FAM120C: variants seen among roughly 807,000 people sequenced by gnomAD.
FAM120C encodes constitutive coactivator of PPAR-gamma-like protein 2.
In FAM120C, 14 loss-of-function variants were observed where a neutral mutation model predicts 71.2. The observed-to-expected ratio is 0.20, with a 90% CI of 0.13 to 0.31. The LOEUF (loss-of-function observed/expected upper bound fraction) is 0.31, where lower values mean the gene tolerates loss of function less well. Among genes scored for constraint, FAM120C ranks in the 10% least tolerant of loss-of-function variants. The probability of loss-of-function intolerance (pLI) is 1.00; values close to 1 mark genes in which losing one functional copy is unlikely to be tolerated. For synonymous variants in FAM120C, 354 were observed against 353.2 expected (o/e 1.00, Z -0.03); for missense variants, 500 against 879.0 (o/e 0.57, Z 5.45).
intron 8 of FAM120C, 143 bp downstream of exon 8, chrX:54,133,630 T>C (rs2067079306): frequency 1.6e-6 from 1 of 613,323 alleles, no homozygotes; most frequent in African/African-American, 2.2e-5. Context: ...AAGGCCTTAG[T>C]AGGATGAGGG....
chrX:54,143,444 G>T (rs1442352997), intron 4 of FAM120C, among the ~76,000 whole-genome samples: 4 of 111,566 alleles, frequency 3.6e-5, no homozygotes, highest in African/African-American at 1.3e-4. Context: ...AGAAAAGAGA[G>T]AAGAATCAAA....
intron 10 of FAM120C, among the ~76,000 whole-genome samples, chrX:54,100,112 G>A (rs1426505120): frequency 8.9e-6 from 1 of 111,794 alleles, no homozygotes; most frequent in Non-Finnish European, 1.9e-5. Context: ...TTGGGAGGCT[G>A]AGGCGGGAGG....
chrX:54,141,555 C>T lies in FAM120C; in HGVS notation c.1159-4965G>A, dbSNP rs782169470. On this transcript the variant is annotated intron_variant, in intron 4 of 15. Coordinates refer to ENST00000375180, the MANE Select transcript of FAM120C (RefSeq NM_017848.6). Reference sequence around the variant, plus strand: ...AAGACTGAATGCTTTCTCTAAAGATCGGGAACAAGATAAGAATATATATTC... The same window carrying T: ...AAGACTGAATGCTTTCTCTAAAGATTGGGAACAAGATAAGAATATATATTC... Among the ~76,000 whole-genome samples the T allele has an allele frequency of 5.4e-4, 60 of 110,114 alleles. 1 individual carries two copies. The highest frequency in any genetic ancestry group is 9.3e-3 in the Middle Eastern group (2 of 215).
intron 10 of FAM120C, among the ~76,000 whole-genome samples, chrX:54,110,125 T>G (rs1459102140): frequency 1.0e-5 from 1 of 100,022 alleles, no homozygotes; most frequent in Non-Finnish European, 2.0e-5. Context: ...CACGCCATTC[T>G]CCTGCCTCAG....
intron 4 of FAM120C, chrX:54,147,228 A>C (rs1603361744): frequency 1.8e-5 from 2 of 110,964 alleles, no homozygotes; most frequent in East Asian, 5.6e-4. Context: ...GAGGCACAGT[A>C]ATCGCTTGAA....
chrX:54,170,690 G>A (rs1486357427), intron 1 of FAM120C, among the ~76,000 whole-genome samples: 4 of 111,795 alleles, frequency 3.6e-5, no homozygotes, highest in Admixed American at 1.9e-4. Context: ...CTGTAAAATG[G>A]AGATTTACTT....
intron 14 of FAM120C, 75 bp downstream of exon 14, chrX:54,081,247 C>A: frequency 2.0e-6 from 2 of 1,024,666 alleles, no homozygotes; most frequent in Non-Finnish European, 2.6e-6. Flanking sequence ...GGATTTAATA[C>A]CTAGGCATTT....
At chrX:54,100,318 C>T in intron 10 of FAM120C, among the ~76,000 whole-genome samples, 1 of 110,939 alleles carries the variant, frequency 9.0e-6, no homozygotes, top group Middle Eastern at 4.6e-3. Flanking sequence ...GGTGAAACCC[C>T]ATCTCTACTA....
At chrX:54,076,345 C>CAA (rs200954875) in intron 15 of FAM120C, among the ~76,000 whole-genome samples, 1 of 90,689 alleles carries the variant, frequency 1.1e-5, no homozygotes. Flanking sequence ...AAAAAAAATA[C>CAA]AAAAAAAAAA....
intron 12 of FAM120C, 40 bp downstream of exon 12, chrX:54,087,712 CAGG>C: frequency 8.7e-7 from 1 of 1,151,187 alleles, no homozygotes. Flanking sequence ...TTCACTCCCA[CAGG>C]AGATCAGAGC....
intron 1 of FAM120C, among the ~76,000 whole-genome samples, chrX:54,180,095 C>A (rs1557137165): frequency 1.8e-5 from 2 of 111,626 alleles, no homozygotes; most frequent in African/African-American, 6.5e-5. Context: ...TGAAGTATGA[C>A]AAAAATATAC....
chrX:54,107,299 G>T (rs782044043), intron 10 of FAM120C, among the ~76,000 whole-genome samples: 1 of 109,023 alleles, frequency 9.2e-6, no homozygotes, highest in South Asian at 4.0e-4. Context: ...GTTTCGCCAT[G>T]TTAGCCAGGC....
intron 9 of FAM120C, among the ~76,000 whole-genome samples, chrX:54,129,093 G>A (rs2067045660): frequency 2.9e-5 from 3 of 102,963 alleles, no homozygotes; most frequent in Non-Finnish European, 6.0e-5. Context: ...GGCCGGCCGG[G>A]CAGGGGGCTG....
chrX:54,177,301 G>C (rs1162506695), intron 1 of FAM120C, among the ~76,000 whole-genome samples: 1 of 111,340 alleles, frequency 9.0e-6, no homozygotes, highest in Non-Finnish European at 1.9e-5. Context: ...GGAGTCCGGA[G>C]AGTGTTATGG....
rs925468255 is a variant in FAM120C, at chrX:54,152,171, C to T, written c.1030-798G>A. On this transcript the variant is annotated intron_variant, in intron 3 of 15. Coordinates refer to ENST00000375180, the MANE Select transcript of FAM120C (RefSeq NM_017848.6). ...TAGCTGGGATTATAGGCACGCACCA[C>T]GACTGGATTTGCTCATAAAATATTC... Among the ~76,000 whole-genome samples, 5 of 109,674 alleles carry T rather than the reference C, an allele frequency of 4.6e-5. No individual in the cohort carries two copies. In the Admixed American group the frequency reaches 4.9e-4, roughly 11 times the overall value.
At chrX:54,118,085 T>C (rs1448960894) in intron 9 of FAM120C, among the ~76,000 whole-genome samples, 1 of 109,819 alleles carries the variant, frequency 9.1e-6, no homozygotes, top group African/African-American at 3.3e-5. Flanking sequence ...TAGCTGGGCA[T>C]GGTGGTGCAT....
chrX:54,089,276 A>C (rs1343123552), intron 11 of FAM120C, among the ~76,000 whole-genome samples: 1 of 111,957 alleles, frequency 8.9e-6, no homozygotes, highest in African/African-American at 3.2e-5. Flanking sequence ...ATATATAATT[A>C]CATAAATACT....
intron 10 of FAM120C, among the ~76,000 whole-genome samples, chrX:54,091,842 T>C (rs1026859345): frequency 8.1e-5 from 9 of 111,488 alleles, no homozygotes; most frequent in African/African-American, 2.6e-4. Flanking sequence ...CCTGATGGTG[T>C]GGTTCAGCAC....
At chrX:54,083,477 A>ACACACACACACACACACC (rs1269380471) in intron 13 of FAM120C, among the ~76,000 whole-genome samples, 6 of 104,836 alleles carry the variant, frequency 5.7e-5, no homozygotes, top group African/African-American at 2.2e-4. Context: ...ACACACACAC[A>ACACACACACACACACACC]CCAAAATATT....
Sources: gnomAD v4.1 joint callset for allele counts (sites outside exome capture counted in the v4.1 genomes callset) on GRCh38, gnomAD v4.1.1 for gene constraint, MANE v1.5 for transcripts, NCBI Gene and HGNC (gene_info 2026-07-23, HGNC 2026-07-21) for gene names.